NLGN1: variants seen among roughly 807,000 people sequenced by gnomAD.
NLGN1 encodes neuroligin-1.
Under a neutral mutation model 65.5 loss-of-function variants are expected in NLGN1, and 12 were observed. The ratio of observed to expected loss-of-function variants is 0.18; its 90% CI spans 0.12 to 0.30. The LOEUF (loss-of-function observed/expected upper bound fraction) is 0.30, where lower values mean the gene tolerates loss of function less well. Ranked by LOEUF, NLGN1 falls within the 10% of genes least tolerant of loss-of-function variation. The pLI is 1.00. For synonymous variants in NLGN1, 350 were observed against 359.5 expected (o/e 0.97, Z 0.30); for missense variants, 750 against 1,007.1 (o/e 0.74, Z 3.46).
At chr3:173,490,543 G>C (rs1363844053) in intron 2 of NLGN1, among the ~76,000 whole-genome samples, 1 of 152,126 alleles carries the variant, frequency 6.6e-6, no homozygotes, top group East Asian at 1.9e-4. Context: ...CTCCAGCTTT[G>C]TTCTTTTGGC....
chr3:173,550,860 C>G (rs556985652), intron 2 of NLGN1, among the ~76,000 whole-genome samples: 200 of 152,210 alleles, frequency 1.3e-3, no homozygotes, highest in African/African-American at 4.6e-3. Context: ...ATATTATAAC[C>G]TATTCACTTT....
At chr3:174,007,538 T>G (rs1724681116) in intron 4 of NLGN1, among the ~76,000 whole-genome samples, 1 of 152,224 alleles carries the variant, frequency 6.6e-6, no homozygotes, top group South Asian at 2.1e-4. Flanking sequence ...TGGAAATATT[T>G]AGTTTATATC....
intron 4 of NLGN1, among the ~76,000 whole-genome samples, chr3:174,140,505 T>C (rs1313224013): frequency 6.6e-6 from 1 of 152,154 alleles, no homozygotes; most frequent in African/African-American, 2.4e-5. Flanking sequence ...GGAATATTAT[T>C]TTCATCCCCA....
At chr3:174,017,980 G>T (rs550860388) in intron 4 of NLGN1, among the ~76,000 whole-genome samples, 1 of 152,048 alleles carries the variant, frequency 6.6e-6, no homozygotes, top group African/African-American at 2.4e-5. Context: ...GGAGTGCTAC[G>T]GGAGACCGGG....
intron 4 of NLGN1, among the ~76,000 whole-genome samples, chr3:173,881,319 A>G (rs146980335): frequency 0.016 from 2,362 of 151,230 alleles, 64 homozygotes; most frequent in African/African-American, 0.051. Flanking sequence ...AGATGTTCTC[A>G]ATCTCCTGAC....
intron 4 of NLGN1, among the ~76,000 whole-genome samples, chr3:174,003,718 G>A (rs145461092): frequency 6.6e-6 from 1 of 152,070 alleles, no homozygotes; most frequent in African/African-American, 2.4e-5. Flanking sequence ...GACTCTTGAG[G>A]AAAGGACCTT....
intron 3 of NLGN1, among the ~76,000 whole-genome samples, chr3:173,673,636 A>G (rs1762741956): frequency 6.6e-6 from 1 of 152,156 alleles, no homozygotes; most frequent in African/African-American, 2.4e-5. Context: ...GCATGAGGAA[A>G]CTGGGGCATA....
chr3:174,061,568 T>G lies in NLGN1; in HGVS notation c.647-213747T>G, dbSNP rs75281095. 4.9e-3 allele frequency among the ~76,000 whole-genome samples: 747 copies of G among 152,282 alleles called. 7 individuals are homozygous for G. Among genetic ancestry groups the G allele is most frequent in the Non-Finnish European group, 4.1e-3 (280 of 68,016 alleles). On this transcript the variant is annotated intron_variant, in intron 4 of 6. Transcript: ENST00000457714. ...AAGAACTTTGCATAAGTAATTATTT[T>G]AATTCTTTAAAGGATCTAAAGGACT...
chr3:174,033,988 TA>T (rs1180934133), intron 4 of NLGN1, among the ~76,000 whole-genome samples: 2 of 151,860 alleles, frequency 1.3e-5, no homozygotes, highest in Non-Finnish European at 2.9e-5. Context: ...TACAAATAAC[TA>T]ACTAAATAAA....
intron 2 of NLGN1, among the ~76,000 whole-genome samples, chr3:173,578,531 G>C (rs1745901363): frequency 6.6e-6 from 1 of 152,046 alleles, no homozygotes; most frequent in Non-Finnish European, 1.5e-5. Flanking sequence ...TTTTCATGTG[G>C]TTTCCCATCC....
intron 2 of NLGN1, among the ~76,000 whole-genome samples, chr3:173,561,432 C>A (rs972003689): frequency 6.6e-6 from 1 of 152,022 alleles, no homozygotes; most frequent in Non-Finnish European, 1.5e-5. Context: ...AGTACAAAAT[C>A]CCATCCCGAA....
chr3:173,645,186 C>G (rs963554675), intron 3 of NLGN1, among the ~76,000 whole-genome samples: 5 of 152,340 alleles, frequency 3.3e-5, no homozygotes, highest in Admixed American at 3.3e-4. Context: ...TCACAGAGGT[C>G]TGCTGAGCTG....
intron 2 of NLGN1, among the ~76,000 whole-genome samples, chr3:173,531,998 T>G (rs1053641559): frequency 6.6e-6 from 1 of 152,174 alleles, no homozygotes; most frequent in Non-Finnish European, 1.5e-5. Context: ...ACTATTACTA[T>G]TGCCTTTCAC....
chr3:173,956,959 A>AT (rs1055500948), intron 4 of NLGN1, among the ~76,000 whole-genome samples: 47 of 152,062 alleles, frequency 3.1e-4, no homozygotes, highest in East Asian at 1.9e-4. Context: ...ACTGAGTTGG[A>AT]TTTTTTTTAA....
intron 4 of NLGN1, among the ~76,000 whole-genome samples, chr3:174,251,040 T>A (rs149639935): frequency 6.6e-6 from 1 of 152,292 alleles, no homozygotes; most frequent in Non-Finnish European, 1.5e-5. Flanking sequence ...GTGCATCACA[T>A]GTGCTCTGGT....
chr3:173,405,085 C>T (rs1217536716), intron 1 of NLGN1, among the ~76,000 whole-genome samples: 2 of 152,042 alleles, frequency 1.3e-5, no homozygotes, highest in Admixed American at 6.6e-5. Flanking sequence ...TATTCAGAAC[C>T]TCTTCTGAAT....
intron 3 of NLGN1, among the ~76,000 whole-genome samples, chr3:173,711,851 C>G (rs540927078): frequency 1.3e-5 from 2 of 152,116 alleles, no homozygotes; most frequent in Non-Finnish European, 2.9e-5. Context: ...GGATGCCTCC[C>G]GACACACTCA....
rs550556159 is a variant in NLGN1, at chr3:173,402,098, A to G, written c.-390+3611A>G. 2.6e-5 allele frequency among the ~76,000 whole-genome samples: 4 copies of G among 152,318 alleles called. No individual in the cohort carries two copies. The East Asian group carries it at 5.8e-4, about 22-fold the overall frequency. ...ATAAAAATGCAGCTCTATTGTTTCA[A>G]TATTTCTTTCTAATGCTTGTATTTA... On this transcript the variant is annotated intron_variant, in intron 1 of 6. Transcript: ENST00000457714.
At chr3:173,742,647 A>T (rs1299601108) in intron 3 of NLGN1, among the ~76,000 whole-genome samples, 1 of 152,132 alleles carries the variant, frequency 6.6e-6, no homozygotes, top group East Asian at 1.9e-4. Context: ...CATTTAAGAA[A>T]ACAAGTATTT....
Sources: gnomAD v4.1 joint callset for allele counts (sites outside exome capture counted in the v4.1 genomes callset) on GRCh38, gnomAD v4.1.1 for gene constraint, MANE v1.5 for transcripts, NCBI Gene and HGNC (gene_info 2026-07-23, HGNC 2026-07-21) for gene names.